VTI1A: variants seen among roughly 807,000 people sequenced by gnomAD.
VTI1A encodes vesicle transport through interaction with t-SNAREs 1A.
In VTI1A, 22 loss-of-function variants were observed where a neutral mutation model predicts 34.9. That is an observed-to-expected ratio of 0.63 (90% CI 0.45 to 0.90). The LOEUF is 0.90. Among genes scored for constraint, VTI1A ranks in the 40% least tolerant of loss-of-function variants. The pLI is 0.00. For missense variants in VTI1A, 268 were observed against 275.6 expected (o/e 0.97, Z 0.20); for synonymous variants, 87 against 97.3 (o/e 0.89, Z 0.62).
chr10:112,851,170 G>A, the VTI1A span, among the ~76,000 whole-genome samples: 1 of 152,224 alleles, frequency 6.6e-6, no homozygotes, highest in Non-Finnish European at 1.5e-5. Context: ...ACTTAAGAGA[G>A]TGTGTGGGGT....
intron 7 of VTI1A, among the ~76,000 whole-genome samples, chr10:112,670,503 A>G: frequency 6.6e-6 from 1 of 152,156 alleles, no homozygotes; most frequent in East Asian, 1.9e-4. Flanking sequence ...TTTCGAAACC[A>G]ATGTATTTCT....
At chr10:112,582,917 C>T (rs1274567219) in intron 5 of VTI1A, among the ~76,000 whole-genome samples, 1 of 151,986 alleles carries the variant, frequency 6.6e-6, no homozygotes, top group Non-Finnish European at 1.5e-5. Flanking sequence ...AAAATAAGAC[C>T]CTCTAAATCT....
chr10:112,489,145 T>C (rs1009863633), intron 3 of VTI1A, among the ~76,000 whole-genome samples: 10 of 152,126 alleles, frequency 6.6e-5, no homozygotes, highest in South Asian at 2.1e-4. Flanking sequence ...GGCCTGGGGA[T>C]TGACATTTCT....
chr10:112,801,170 G>A (rs1372119896), intron 7 of VTI1A, among the ~76,000 whole-genome samples: 1 of 152,146 alleles, frequency 6.6e-6, no homozygotes. Flanking sequence ...ATGGCCAGCA[G>A]GAGGTGGGAG....
At chr10:112,511,269 G>C (rs12357163) in intron 3 of VTI1A, among the ~76,000 whole-genome samples, 1 of 146,404 alleles carries the variant, frequency 6.8e-6, no homozygotes, top group Admixed American at 6.8e-5. Context: ...TTCTTTTTCA[G>C]AGTCTTGCTC....
chr10:112,533,346 G>T (rs566400620), intron 4 of VTI1A, among the ~76,000 whole-genome samples: 2 of 151,864 alleles, frequency 1.3e-5, no homozygotes, highest in Non-Finnish European at 2.9e-5. Flanking sequence ...ATCTTTATTC[G>T]TTCAAAAAAC....
Position 112,761,752 on chromosome 10 carries a change from T to G in VTI1A, c.561-53538T>G, listed in dbSNP as rs187127474. On this transcript the variant is annotated intron_variant, in intron 7 of 7. Coordinates refer to ENST00000393077, the MANE Select transcript of VTI1A (RefSeq NM_145206.4). ...TGTTCTCTTTCCCTCCTGCTCTCCC[T>G]CCTCTCTCTTTCTTTCTCTGTGTGT... 1.8e-3 allele frequency among the ~76,000 whole-genome samples: 257 copies of G among 144,068 alleles called. 3 individuals carry two copies. In the Admixed American group the frequency reaches 0.018, roughly 10 times the overall value. 94.5% of individuals were successfully genotyped at this position (144,068 alleles called of 152,430 possible). A position where few individuals can be genotyped will look rare whatever the true frequency, so the allele number is the denominator to read the frequency against.
chr10:112,625,633 T>C (rs1845891528), intron 5 of VTI1A, among the ~76,000 whole-genome samples: 1 of 11,348 alleles, frequency 8.8e-5, no homozygotes, highest in African/African-American at 2.3e-3. Context: ...AGAGTGAAAC[T>C]CTGTCTCAAA....
At chr10:112,642,534 G>T (rs1397818168) in intron 5 of VTI1A, among the ~76,000 whole-genome samples, 1 of 152,006 alleles carries the variant, frequency 6.6e-6, no homozygotes, top group Non-Finnish European at 1.5e-5. Flanking sequence ...GAATTTGGGG[G>T]CTTAAAAAAT....
chr10:112,481,730 T>C (rs554271590), intron 3 of VTI1A, among the ~76,000 whole-genome samples: 6 of 152,372 alleles, frequency 3.9e-5, no homozygotes, highest in African/African-American at 1.2e-4. Flanking sequence ...GATTCTGTTA[T>C]GGCCAGCATC....
At chr10:112,478,357 G>A (rs1848348328) in intron 3 of VTI1A, among the ~76,000 whole-genome samples, 1 of 152,164 alleles carries the variant, frequency 6.6e-6, no homozygotes, top group South Asian at 2.1e-4. Flanking sequence ...AAATGCGAGG[G>A]TCAAATAGAT....
intron 1 of VTI1A, among the ~76,000 whole-genome samples, chr10:112,458,962 G>A (rs556661011): frequency 9.9e-5 from 15 of 152,092 alleles, no homozygotes; most frequent in Admixed American, 4.6e-4. Context: ...CACCGCGCCC[G>A]GCCAGTGAAA....
At chr10:112,628,438 T>A (rs951951768) in intron 5 of VTI1A, among the ~76,000 whole-genome samples, 2 of 152,222 alleles carry the variant, frequency 1.3e-5, no homozygotes, top group African/African-American at 4.8e-5. Context: ...GATGCAAACA[T>A]GTATAATAAT....
intron 5 of VTI1A, among the ~76,000 whole-genome samples, chr10:112,664,422 TG>T (rs1847572357): frequency 6.6e-6 from 1 of 152,176 alleles, no homozygotes; most frequent in Middle Eastern, 3.2e-3. Flanking sequence ...GTTAGTCCTA[TG>T]TTAGACTTAT....
intron 5 of VTI1A, among the ~76,000 whole-genome samples, chr10:112,616,368 T>C (rs1237337904): frequency 1.3e-5 from 2 of 152,190 alleles, no homozygotes; most frequent in African/African-American, 4.8e-5. Context: ...TTCGAAACTC[T>C]TCTATTTAGC....
At chr10:112,495,977 A>G (rs74158731) in intron 3 of VTI1A, among the ~76,000 whole-genome samples, 1,732 of 152,310 alleles carry the variant, frequency 0.011, 35 homozygotes, top group African/African-American at 0.038. Context: ...AAAAGTATCT[A>G]TTAGATTGTC....
intron 7 of VTI1A, among the ~76,000 whole-genome samples, chr10:112,758,184 G>A (rs868086418): frequency 5.3e-5 from 8 of 152,144 alleles, no homozygotes; most frequent in African/African-American, 1.9e-4. Context: ...GCATGAACAG[G>A]AAAGCTCATA....
chr10:112,655,225 A>G (rs1456154858), intron 5 of VTI1A, among the ~76,000 whole-genome samples: 2 of 152,206 alleles, frequency 1.3e-5, no homozygotes, highest in Non-Finnish European at 2.9e-5. Flanking sequence ...TCATTTATCA[A>G]TTGATTTATT....
chr10:112,672,382 A>G (rs1376842112), intron 7 of VTI1A, among the ~76,000 whole-genome samples: 2 of 152,166 alleles, frequency 1.3e-5, no homozygotes, highest in Non-Finnish European at 2.9e-5. Flanking sequence ...AAATTATAAT[A>G]GTAAAACTCG....
Sources: gnomAD v4.1 joint callset for allele counts (sites outside exome capture counted in the v4.1 genomes callset) on GRCh38, gnomAD v4.1.1 for gene constraint, MANE v1.5 for transcripts, NCBI Gene and HGNC (gene_info 2026-07-23, HGNC 2026-07-21) for gene names.